ABCE1: variants seen among roughly 807,000 people sequenced by gnomAD.
ABCE1 encodes the protein ATP binding cassette subfamily E member 1, also known as ATP-binding cassette sub-family E member 1.
ABCE1 carries 22 observed loss-of-function variants against 83.4 expected under a neutral mutation model. The ratio of observed to expected loss-of-function variants is 0.26; its 90% confidence interval spans 0.19 to 0.38. ABCE1 has a LOEUF of 0.38. Among genes scored for constraint, ABCE1 ranks in the 10% least tolerant of loss-of-function variants. The probability of loss-of-function intolerance (pLI) is 1.00; values close to 1 mark genes in which losing one functional copy is unlikely to be tolerated. For synonymous variants in ABCE1, 204 were observed against 233.7 expected (o/e 0.87, Z 1.16); for missense variants, 330 against 721.9 (o/e 0.46, Z 6.22).
At chr4:145,122,062 T>C (rs530733133) in intron 13 of ABCE1, 1 of 152,146 alleles carries the variant, frequency 6.6e-6, no homozygotes, top group Non-Finnish European at 1.5e-5. Flanking sequence ...AGAACTCTTA[T>C]AATTAAAAAT....
At chr4:145,108,752 A>C (rs553982364) in intron 4 of ABCE1, among the ~76,000 whole-genome samples, 1 of 152,342 alleles carries the variant, frequency 6.6e-6, no homozygotes, top group East Asian at 1.9e-4. Flanking sequence ...CCAGAAAAGA[A>C]AGACATTGTG....
Position 145,121,242 on chromosome 4 carries a change from G to C in ABCE1, c.1204+9G>C. ...TAAACCTGATGAAGGAGGTACATTT[G>C]TAACTGTTGAGTCTTTTTACTCTGT... On this transcript the variant is annotated intron_variant, in intron 12 of 17. Coordinates refer to ENST00000296577, the MANE Select transcript of ABCE1 (RefSeq NM_002940.3). 1 of 1,613,770 alleles carries C rather than the reference G, an allele frequency of 6.2e-7. No individual in the cohort carries two copies. Among genetic ancestry groups the C allele is most frequent in the Non-Finnish European group, 8.5e-7 (1 of 1,179,830 alleles).
intron 13 of ABCE1, chr4:145,121,722 A>C: frequency 4.9e-6 from 1 of 205,320 alleles, no homozygotes; most frequent in Non-Finnish European, 1.0e-5. Context: ...AACTACAAAA[A>C]ACTAGCCGAG....
At position 145,124,983 on chromosome 4, in the gene ABCE1, C is replaced by A; in HGVS notation, c.1641-7C>A. ...TTAATCAAAATTGATTTTTTTTTTTCTCTTAGTCCTCAAACCCTTTTGGCT... is the reference window on the plus strand; with the variant it reads ...TTAATCAAAATTGATTTTTTTTTTTATCTTAGTCCTCAAACCCTTTTGGCT... On this transcript the variant is annotated splice_region_variant and splice_polypyrimidine_tract_variant and intron_variant, in intron 16 of 17. Transcript: ENST00000296577. 1.3e-6 allele frequency: 2 copies of A among 1,535,616 alleles called. No homozygotes were observed. Among genetic ancestry groups the A allele is most frequent in the Non-Finnish European group, 1.8e-6 (2 of 1,129,318 alleles).
rs34070877 is a variant in ABCE1 at position 145,123,265 on chromosome 4, C to T, written c.1425C>T (p.Cys475=). 4,060 of 1,612,460 alleles carry T rather than the reference C, an allele frequency of 2.5e-3. 84 individuals carry two copies. In the African/African-American group the frequency reaches 0.041, roughly 16 times the overall value. Residue 475 remains cysteine, a synonymous_variant, in exon 15 of 18, where the codon TGC becomes TGT. Coordinates refer to ENST00000296577, the MANE Select transcript of ABCE1 (RefSeq NM_002940.3). The part of the protein sequence containing the change: ...GELQRVALAL[C]LGKPADVYLI... ...TACAGCGAGTAGCTTTAGCCCTTTG[C>T]TTGGGCAAACCTGCTGATGTCTATT...
chr4:145,116,599 G>C (rs1266291050), intron 9 of ABCE1, among the ~76,000 whole-genome samples: 1 of 151,870 alleles, frequency 6.6e-6, no homozygotes, highest in African/African-American at 2.4e-5. Flanking sequence ...ATATGGAAAT[G>C]GGAATAAAGT....
Position 145,127,733 on chromosome 4 carries a change from G to T in ABCE1, c.*160G>T, listed in dbSNP as rs567366126. 1.0e-5 allele frequency: 5 copies of T among 496,850 alleles called. No homozygotes were observed. The East Asian group carries it at 1.9e-4, about 18-fold the overall frequency. 30.8% of individuals were successfully genotyped at this position (496,850 alleles called of 1,614,324 possible). ...TAAAAAGCCAGTTGGGTTCTAAATT[G>T]TAGTTGAAACACAGAAAATGCCACT... On this transcript the variant is annotated 3_prime_UTR_variant, in exon 18 of 18. Transcript: ENST00000296577.
chr4:145,112,163 T>C, intron 8 of ABCE1, 76 bp from the exon 9 acceptor site: 1 of 1,010,666 alleles, frequency 9.9e-7, no homozygotes, highest in Non-Finnish European at 1.4e-6. Flanking sequence ...GATACTACAG[T>C]GCTTTAAAAT....
At chr4:145,104,309 A>G (rs1560956612) in intron 1 of ABCE1, 77 bp from the exon 2 acceptor site, 3 of 527,654 alleles carry the variant, frequency 5.7e-6, no homozygotes, top group East Asian at 6.6e-5. Context: ...ATGATCATTT[A>G]TGTTTTCCTG....
At chr4:145,112,866 T>G (rs1171351284) in intron 9 of ABCE1, among the ~76,000 whole-genome samples, 1 of 152,194 alleles carries the variant, frequency 6.6e-6, no homozygotes, top group Non-Finnish European at 1.5e-5. Context: ...GTATTCCTAT[T>G]TTGCAGATGA....
At chr4:145,101,492 G>A (rs982595578) in intron 1 of ABCE1, among the ~76,000 whole-genome samples, 1 of 152,204 alleles carries the variant, frequency 6.6e-6, no homozygotes, top group African/African-American at 2.4e-5. Flanking sequence ...GGAGTGACAT[G>A]ATCTAGCTTA....
At chr4:145,106,601 A>C (rs995703116) in intron 3 of ABCE1, among the ~76,000 whole-genome samples, 4 of 152,102 alleles carry the variant, frequency 2.6e-5, no homozygotes, top group Admixed American at 2.6e-4. Context: ...TTGAGTGGCT[A>C]AAAACATACT....
At chr4:145,118,568 T>G (rs116228560) in intron 10 of ABCE1, among the ~76,000 whole-genome samples, 219 of 151,862 alleles carry the variant, frequency 1.4e-3, no homozygotes, top group African/African-American at 5.0e-3. Context: ...ATTGAGTACC[T>G]TACTCTATAC....
chr4:145,119,937 A>C lies in ABCE1; in HGVS notation c.928A>C (p.Asn310His). The change falls in exon 11 of 18, where the codon AAC (asparagine) becomes CAC (histidine). Residue 310 changes from asparagine to histidine, a missense_variant. Transcript: ENST00000296577. Reference protein sequence around the residue: ...TMPFSVREGINIFLDGYVPTE... With the variant: ...TMPFSVREGIHIFLDGYVPTE... ...GACAATTTTCTTCCCAACAGGCATA[A>C]ACATTTTTTTGGATGGCTATGTTCC... 6.2e-7 allele frequency: 1 copy of C among 1,609,572 alleles called. No homozygotes were observed. Among genetic ancestry groups the C allele is most frequent in the Non-Finnish European group, 8.5e-7 (1 of 1,178,224 alleles).
rs143824754 is a variant in ABCE1, at chr4:145,123,086, C to A, written c.1329C>A (p.Thr443=). ...CTTATACTCACCCACAATTTGTGAC[C>A]GATGTAATGAAGCCTCTGCAAATTG... The part of the protein sequence containing the change: ...RDAYTHPQFV[T]DVMKPLQIEN... Residue 443 remains threonine, a synonymous_variant, in exon 14 of 18, where the codon ACC becomes ACA. Transcript: ENST00000296577. 3 of 1,606,214 alleles carry A rather than the reference C, an allele frequency of 1.9e-6. No individual in the cohort carries two copies. In the African/African-American group the frequency reaches 4.0e-5, roughly 22 times the overall value.
chr4:145,105,118 A>G (rs1336993035), intron 2 of ABCE1, among the ~76,000 whole-genome samples: 1 of 152,042 alleles, frequency 6.6e-6, no homozygotes, highest in African/African-American at 2.4e-5. Context: ...CTCCTTTGCT[A>G]TTCAGAAATT....
In ABCE1 at chr4:145,112,216, CTTTTTTT is replaced by C; in HGVS notation, c.711-12_711-6del. 1 of 1,130,226 alleles carries C rather than the reference CTTTTTTT, an allele frequency of 8.8e-7. No individual in the cohort carries two copies. The highest frequency in any genetic ancestry group is 1.2e-6 in the Non-Finnish European group (1 of 821,366). 70.0% of individuals were successfully genotyped at this position (1,130,226 alleles called of 1,614,324 possible). On this transcript the variant is annotated splice_polypyrimidine_tract_variant and intron_variant, in intron 8 of 17. Transcript: ENST00000296577. ...GTCTTGTCTTTCAAACTTATATTTG[CTTTTTTT>C]TTTTTTTTTTCATAGTTTCATGTTT...
intron 17 of ABCE1, among the ~76,000 whole-genome samples, chr4:145,125,539 CT>C (rs1467714369): frequency 5.9e-5 from 9 of 152,078 alleles, no homozygotes; most frequent in Non-Finnish European, 1.5e-5. Flanking sequence ...ATTTTAAGAC[CT>C]GATGGCATAC....
Position 145,116,282 on chromosome 4 carries a change from T to C in ABCE1, c.801-1011T>C, listed in dbSNP as rs1278661201. Among the ~76,000 whole-genome samples, 5 of 151,980 alleles carry C rather than the reference T, an allele frequency of 3.3e-5. No individual in the cohort carries two copies. In the East Asian group the frequency reaches 9.6e-4, roughly 29 times the overall value. On this transcript the variant is annotated intron_variant, in intron 9 of 17. Transcript: ENST00000296577. ...TAATTAATTTAAGTGATTAATTTCA[T>C]TTGGAATTGAGACCCACATCAGGGG...
Sources: allele counts gnomAD v4.1 joint callset (sites outside exome capture counted in the v4.1 genomes callset), GRCh38; gene constraint gnomAD v4.1.1; transcripts MANE v1.5; gene names NCBI Gene and HGNC (gene_info 2026-07-23, HGNC 2026-07-21).